UBE4B: variants seen among roughly 807,000 people sequenced by gnomAD.
The protein encoded by UBE4B is ubiquitination factor E4B, also known as ubiquitin conjugation factor E4 B.
Under a neutral mutation model 148.1 loss-of-function variants are expected in UBE4B, and 27 were observed. The ratio of observed to expected loss-of-function variants is 0.18; its 90% CI spans 0.13 to 0.25. UBE4B has a LOEUF of 0.25. Ranked by LOEUF, UBE4B falls within the 10% of genes least tolerant of loss-of-function variation. The pLI is 1.00. For missense variants in UBE4B, 1,170 were observed against 1,662.4 expected, an observed-to-expected ratio of 0.70 and a Z score of 5.15; for synonymous variants, 596 against 619.3, an observed-to-expected ratio of 0.96 and a Z score of 0.56.
chr1:10,042,104 A>G lies in UBE4B; in HGVS notation c.24+8410A>G, dbSNP rs537762717. 5.8e-4 allele frequency among the ~76,000 whole-genome samples: 88 copies of G among 152,292 alleles called. 1 individual carries two copies. Among genetic ancestry groups the G allele is most frequent in the South Asian group, 2.3e-3 (11 of 4,820 alleles). The stretch of plus-strand genomic sequence containing the variant: ...CGCCCGCCGCCAGGCCCAGCCCTCC[A>G]GTGGACTTTCATTCCCGTTTGTTAT... On this transcript the variant is annotated intron_variant, in intron 1 of 27. Coordinates refer to ENST00000343090, the MANE Select transcript of UBE4B (RefSeq NM_001105562.3).
chr1:10,129,463 G>T lies in UBE4B; in HGVS notation c.1695+15G>T, dbSNP rs375146959. The T allele has an allele frequency of 6.4e-5, 103 of 1,606,700 alleles. No individual in the cohort carries two copies. Among genetic ancestry groups the T allele is most frequent in the Non-Finnish European group, 8.3e-5 (97 of 1,174,172 alleles). On this transcript the variant is annotated intron_variant, in intron 12 of 27. Coordinates refer to ENST00000343090, the MANE Select transcript of UBE4B (RefSeq NM_001105562.3). The stretch of plus-strand genomic sequence containing the variant: ...TGTGCAATTTGGTAAGCACTCACCT[G>T]ATGGGCTTGCACATTTTCAGTGAAT...
intron 21 of UBE4B, 33 bp downstream of exon 21, chr1:10,151,594 A>G: frequency 6.4e-7 from 1 of 1,572,778 alleles, no homozygotes; most frequent in Non-Finnish European, 8.7e-7. Context: ...AGCACATGGC[A>G]GGCCAACTTA....
chr1:10,178,962 C>T (rs1419768168), intron 26 of UBE4B, 144 bp downstream of exon 26: 2 of 881,714 alleles, frequency 2.3e-6, no homozygotes, highest in African/African-American at 1.7e-5. Context: ...ATTACATTTG[C>T]CTATTTTTAG....
intron 1 of UBE4B, among the ~76,000 whole-genome samples, chr1:10,047,960 C>T (rs1030810871): frequency 2.6e-5 from 4 of 152,168 alleles, no homozygotes; most frequent in African/African-American, 9.7e-5. Context: ...TCAAGTGATC[C>T]TTCTGCCTTA....
intron 2 of UBE4B, among the ~76,000 whole-genome samples, chr1:10,088,933 C>T (rs1166687257): frequency 6.6e-6 from 1 of 152,200 alleles, no homozygotes; most frequent in Non-Finnish European, 1.5e-5. Context: ...CCCACCTCAA[C>T]CTCTCAATGT....
At chr1:10,034,669 A>T (rs1027829673) in intron 1 of UBE4B, among the ~76,000 whole-genome samples, 3 of 152,218 alleles carry the variant, frequency 2.0e-5, no homozygotes, top group Non-Finnish European at 4.4e-5. Context: ...GTATTAGGAA[A>T]GCAGTCATCC....
At chr1:10,155,347 C>T (rs1286082586) in intron 21 of UBE4B, among the ~76,000 whole-genome samples, 1 of 152,172 alleles carries the variant, frequency 6.6e-6, no homozygotes, top group Non-Finnish European at 1.5e-5. Flanking sequence ...ACTTAATCCC[C>T]ACGGCAGTCC....
At position 10,173,915 on chromosome 1, in the gene UBE4B, A is replaced by G. The variant is rs116076707; in HGVS notation, c.3525+2586A>G. Among the ~76,000 whole-genome samples, 755 of 152,334 alleles carry G rather than the reference A, an allele frequency of 5.0e-3. 4 individuals are homozygous for G. The highest frequency in any genetic ancestry group is 0.018 in the African/African-American group (731 of 41,570). ...GCCTTTGTTTGGTGACCAACCACACATTGCATTGCCTGGTCATGCCTTAGA... is the reference window on the plus strand; with the variant it reads ...GCCTTTGTTTGGTGACCAACCACACGTTGCATTGCCTGGTCATGCCTTAGA... On this transcript the variant is annotated intron_variant, in intron 25 of 27. Coordinates refer to ENST00000343090, the MANE Select transcript of UBE4B (RefSeq NM_001105562.3).
chr1:10,033,735 C>T, intron 1 of UBE4B, 41 bp downstream of exon 1: 1 of 1,523,992 alleles, frequency 6.6e-7, no homozygotes, highest in Non-Finnish European at 8.8e-7. Flanking sequence ...TAGTTGGCAA[C>T]TCGTTAGCGC....
intron 21 of UBE4B, 37 bp from the exon 22 acceptor site, chr1:10,158,319 A>G (rs2273298): frequency 0.17 from 264,496 of 1,602,032 alleles, 34,524 homozygotes; most frequent in African/African-American, 0.7. Flanking sequence ...AAGCAAGAAA[A>G]TACATATCCC....
chr1:10,159,802 T>C (rs1229898016), intron 22 of UBE4B, among the ~76,000 whole-genome samples: 2 of 152,254 alleles, frequency 1.3e-5, no homozygotes, highest in South Asian at 2.1e-4. Flanking sequence ...GTCAATAATA[T>C]ACAAATTACC....
At chr1:10,114,465 C>T (rs1468205284) in intron 7 of UBE4B, among the ~76,000 whole-genome samples, 2 of 152,088 alleles carry the variant, frequency 1.3e-5, no homozygotes, top group African/African-American at 4.8e-5. Flanking sequence ...GTGTGTTTTT[C>T]CTGTGCTTTA....
intron 18 of UBE4B, among the ~76,000 whole-genome samples, chr1:10,146,590 G>A (rs911888166): frequency 6.6e-6 from 1 of 152,186 alleles, no homozygotes; most frequent in African/African-American, 2.4e-5. Flanking sequence ...AGGGCAGCTC[G>A]TAAGAGGCGA....
chr1:10,065,530 A>G (rs1644371577), intron 1 of UBE4B, among the ~76,000 whole-genome samples: 1 of 152,212 alleles, frequency 6.6e-6, no homozygotes, highest in Non-Finnish European at 1.5e-5. Context: ...TGTTTTGGCC[A>G]GTTAAATGTG....
chr1:10,124,629 G>T (rs1262545002), intron 10 of UBE4B, among the ~76,000 whole-genome samples: 1 of 152,214 alleles, frequency 6.6e-6, no homozygotes, highest in Non-Finnish European at 1.5e-5. Flanking sequence ...GGACTGCAAA[G>T]CAGCATTTTA....
intron 2 of UBE4B, among the ~76,000 whole-genome samples, 198 bp from the exon 3 acceptor site, chr1:10,095,263 T>C (rs1018400698): frequency 5.3e-5 from 8 of 152,232 alleles, no homozygotes; most frequent in African/African-American, 1.9e-4. Context: ...AGTATATTGA[T>C]AACTTATGAT....
intron 1 of UBE4B, among the ~76,000 whole-genome samples, chr1:10,034,007 A>G (rs773592909): frequency 6.6e-6 from 1 of 152,168 alleles, no homozygotes; most frequent in African/African-American, 2.4e-5. Flanking sequence ...CGAGATTTAC[A>G]TGAAGTTAAA....
At chr1:10,118,722 T>C (rs1645357227) in intron 8 of UBE4B, among the ~76,000 whole-genome samples, 2 of 151,700 alleles carry the variant, frequency 1.3e-5, no homozygotes, top group South Asian at 2.1e-4. Context: ...CAGGCTGGTC[T>C]CTAACTCCCG....
At chr1:10,086,127 A>G (rs576419455) in intron 2 of UBE4B, among the ~76,000 whole-genome samples, 2 of 151,994 alleles carry the variant, frequency 1.3e-5, no homozygotes, top group Non-Finnish European at 2.9e-5. Flanking sequence ...GCCCGCCACC[A>G]CGCCAGGCTA....
Sources: gnomAD v4.1 joint callset for allele counts (sites outside exome capture counted in the v4.1 genomes callset) on GRCh38, gnomAD v4.1.1 for gene constraint, MANE v1.5 for transcripts, NCBI Gene and HGNC (gene_info 2026-07-23, HGNC 2026-07-21) for gene names.